The following COBL variants were observed in gnomAD, a reference collection of about 807,000 sequenced individuals.
The protein encoded by COBL is cordon-bleu WH2 repeat protein, also known as protein cordon-bleu.
A neutral mutation model predicts 98.8 loss-of-function variants in COBL; 51 were observed. The observed-to-expected ratio is 0.52, with a 90% confidence interval of 0.41 to 0.65. The LOEUF (loss-of-function observed/expected upper bound fraction) is 0.65. COBL is among the 30% of genes least tolerant of loss of function. The pLI, the probability that COBL is intolerant of heterozygous loss-of-function variation, is 0.00. For synonymous variants in COBL, 634 were observed against 651.7 expected, an observed-to-expected ratio of 0.97 and a Z score of 0.41; for missense variants, 1,617 against 1,617.5, an observed-to-expected ratio of 1.00 and a Z score of 0.01.
At chr7:51,164,217 G>A (rs1481490723) in intron 5 of COBL, among the ~76,000 whole-genome samples, 1 of 151,896 alleles carries the variant, frequency 6.6e-6, no homozygotes, top group Non-Finnish European at 1.5e-5. Context: ...GTATTGAAAA[G>A]GATAATATCA....
intron 1 of COBL, among the ~76,000 whole-genome samples, chr7:51,231,641 G>C (rs895905921): frequency 1.3e-5 from 2 of 152,238 alleles, no homozygotes; most frequent in East Asian, 3.8e-4. Context: ...GAGGTCAGAA[G>C]GTGGTTCCTG....
intron 7 of COBL, among the ~76,000 whole-genome samples, chr7:51,069,768 T>C (rs1792322127): frequency 6.6e-6 from 1 of 152,242 alleles, no homozygotes; most frequent in East Asian, 1.9e-4. Flanking sequence ...AAAGGATGCA[T>C]CCACTCTTTA....
At chr7:51,025,088 C>T (rs78058048) in intron 12 of COBL, 21 bp downstream of exon 12, 24,684 of 1,611,810 alleles carry the variant, frequency 0.015, 441 homozygotes, top group African/African-American at 0.088. Flanking sequence ...CATTGAAATG[C>T]GCACACACAG....
chr7:51,274,066 T>C (rs1044828295), intron 1 of COBL, among the ~76,000 whole-genome samples: 2 of 152,120 alleles, frequency 1.3e-5, no homozygotes, highest in East Asian at 3.9e-4. Flanking sequence ...AATACCACCA[T>C]GCTCACAGTT....
chr7:51,082,895 T>G (rs1173254349), intron 7 of COBL, among the ~76,000 whole-genome samples: 1 of 152,170 alleles, frequency 6.6e-6, no homozygotes, highest in Non-Finnish European at 1.5e-5. Context: ...GTGTTCTCTG[T>G]GAAATCAGAC....
intron 2 of COBL, among the ~76,000 whole-genome samples, chr7:51,195,924 A>T (rs961906677): frequency 6.6e-6 from 1 of 152,196 alleles, no homozygotes; most frequent in Non-Finnish European, 1.5e-5. Flanking sequence ...TTCTAGATAT[A>T]GGATCATATC....
At chr7:51,048,992 G>C (rs78810032) in intron 7 of COBL, among the ~76,000 whole-genome samples, 8,605 of 152,154 alleles carry the variant, frequency 0.057, 836 homozygotes, top group African/African-American at 0.2. Context: ...TGTCACATAC[G>C]AAGGTAAATT....
Position 51,017,243 on chromosome 7 carries a change from T to C in COBL, c.*308A>G. On this transcript the variant is annotated 3_prime_UTR_variant, in exon 13 of 13. Transcript: ENST00000265136. Reference sequence around the variant, plus strand: ...TTTTTACTTTGCCCATAAATATAATTAAGTGTGAGTGCTGGGCTCCAGCAT... The same window carrying C: ...TTTTTACTTTGCCCATAAATATAATCAAGTGTGAGTGCTGGGCTCCAGCAT... 1 of 540,534 alleles carries C rather than the reference T, an allele frequency of 1.9e-6. No individual in the cohort carries two copies. The highest frequency in any genetic ancestry group is 3.3e-6 in the Non-Finnish European group (1 of 307,226). 33.5% of individuals were successfully genotyped at this position (540,534 alleles called of 1,614,324 possible).
chr7:51,316,658 G>C lies in COBL; in HGVS notation c.-25C>G. On this transcript the variant is annotated 5_prime_UTR_variant, in exon 1 of 13. Transcript: ENST00000265136. ...TGGTGCCGGGGGCCGGGACGCGGGC[G>C]GTGCTCCGGGCCCGCCGAGTCAGGC... The C allele has an allele frequency of 8.4e-7, 1 of 1,192,338 alleles. No homozygotes were observed. The highest frequency in any genetic ancestry group is 1.0e-6 in the Non-Finnish European group (1 of 962,200). The allele number at this position is 1,192,338 out of a possible 1,614,324, so 73.9% of individuals were successfully genotyped here.
intron 1 of COBL, among the ~76,000 whole-genome samples, chr7:51,314,669 T>C (rs551863980): frequency 1.4e-4 from 21 of 152,310 alleles, no homozygotes; most frequent in African/African-American, 5.1e-4. Context: ...TATTAACAAA[T>C]GACAAAGTGA....
intron 7 of COBL, among the ~76,000 whole-genome samples, chr7:51,059,321 C>A (rs1380783769): frequency 6.6e-6 from 1 of 152,112 alleles, no homozygotes; most frequent in African/African-American, 2.4e-5. Context: ...TCATTTTTAT[C>A]AGTTGGCCTA....
rs549080932 is a variant in COBL, at chr7:51,208,872, C to T, written c.245+10869G>A. On this transcript the variant is annotated intron_variant, in intron 2 of 12. Transcript: ENST00000265136. Reference sequence around the variant, plus strand: ...CAGATGCTTGAAGGCAGAGTCATCACCACTCCCTAATCTCAAGTACCCAGG... The same window carrying T: ...CAGATGCTTGAAGGCAGAGTCATCATCACTCCCTAATCTCAAGTACCCAGG... 3.3e-5 allele frequency among the ~76,000 whole-genome samples: 5 copies of T among 151,972 alleles called. No homozygotes were observed. In the South Asian group the frequency reaches 6.2e-4, roughly 19 times the overall value.
intron 6 of COBL, among the ~76,000 whole-genome samples, chr7:51,088,217 T>C (rs1213298882): frequency 6.6e-6 from 1 of 152,180 alleles, no homozygotes; most frequent in Non-Finnish European, 1.5e-5. Flanking sequence ...TTTAGTGTTA[T>C]TCTTTTCAAC....
intron 7 of COBL, among the ~76,000 whole-genome samples, chr7:51,052,314 T>C (rs1790327290): frequency 6.6e-6 from 1 of 152,208 alleles, no homozygotes; most frequent in African/African-American, 2.4e-5. Context: ...GGAGTCAAAT[T>C]AAGGTTCTTT....
intron 6 of COBL, among the ~76,000 whole-genome samples, chr7:51,135,934 G>A (rs1220791348): frequency 6.6e-6 from 1 of 152,172 alleles, no homozygotes; most frequent in Non-Finnish European, 1.5e-5. Flanking sequence ...GGGCTGCTGG[G>A]TGTATCCTGA....
intron 1 of COBL, among the ~76,000 whole-genome samples, chr7:51,295,458 C>G (rs973570951): frequency 6.6e-6 from 1 of 152,074 alleles, no homozygotes; most frequent in Non-Finnish European, 1.5e-5. Flanking sequence ...AAAAATACTG[C>G]CCAATTAACT....
chr7:51,058,284 G>A (rs773855917), intron 7 of COBL, among the ~76,000 whole-genome samples: 17 of 151,988 alleles, frequency 1.1e-4, no homozygotes, highest in Admixed American at 2.6e-4. Context: ...ACCGTGACTC[G>A]CATCTGTAAT....
intron 7 of COBL, among the ~76,000 whole-genome samples, chr7:51,055,284 T>C (rs1198367741): frequency 1.3e-5 from 2 of 152,176 alleles, no homozygotes; most frequent in African/African-American, 2.4e-5. Context: ...ACTAATAGCA[T>C]GTCCTTCCAG....
At chr7:51,024,332 T>A (rs1787279830) in intron 12 of COBL, among the ~76,000 whole-genome samples, 1 of 151,710 alleles carries the variant, frequency 6.6e-6, no homozygotes, top group African/African-American at 2.4e-5. Flanking sequence ...AATAAATAAA[T>A]AAAATAATAA....
Sources: allele counts gnomAD v4.1 joint callset (sites outside exome capture counted in the v4.1 genomes callset), GRCh38; gene constraint gnomAD v4.1.1; transcripts MANE v1.5; gene names NCBI Gene and HGNC (gene_info 2026-07-23, HGNC 2026-07-21).